The following FRAS1 variants were observed in gnomAD, a reference collection of about 807,000 sequenced individuals.
FRAS1 encodes extracellular matrix organizing protein FRAS1.
A neutral mutation model predicts 435.2 loss-of-function variants in FRAS1; 290 were observed. The ratio of observed to expected loss-of-function variants is 0.67; its 90% CI spans 0.61 to 0.73. FRAS1 has a LOEUF of 0.73. Among genes scored for constraint, FRAS1 ranks in the 30% least tolerant of loss-of-function variants. The probability of loss-of-function intolerance (pLI) is 0.00; values close to 1 mark genes in which losing one functional copy is unlikely to be tolerated. For missense variants in FRAS1, 4,860 were observed against 5,001.5 expected (o/e 0.97, Z 0.85); for synonymous variants, 1,800 against 1,851.0 (o/e 0.97, Z 0.71).
chr4:78,400,893 T>C lies in FRAS1; in HGVS notation c.4129+6T>C. 3 of 1,613,282 alleles carry C rather than the reference T, an allele frequency of 1.9e-6. 1 individual carries two copies. The South Asian group carries it at 3.3e-5, about 18-fold the overall frequency. ...ACAAGACTACCCCCAGTTTGGTAAC[T>C]ATTTTTTCCTTTGGCGTGGTTTCAT... On this transcript the variant is annotated splice_donor_region_variant and intron_variant, in intron 30 of 73. Transcript: ENST00000512123.
chr4:78,255,144 G>A (rs1174368817), intron 5 of FRAS1, 98 bp from the exon 6 acceptor site: 13 of 1,162,262 alleles, frequency 1.1e-5, no homozygotes, highest in African/African-American at 1.5e-5. Context: ...CTGTGCACTG[G>A]GCTTCTGACC....
At chr4:78,259,915 T>C (rs1380609981) in intron 6 of FRAS1, among the ~76,000 whole-genome samples, 2 of 152,214 alleles carry the variant, frequency 1.3e-5, no homozygotes, top group Non-Finnish European at 2.9e-5. Context: ...CGATTTCAGC[T>C]TTCTACCTAT....
At position 78,534,461 on chromosome 4, in the gene FRAS1, C is replaced by T. The variant is rs1387046137; in HGVS notation, c.10938C>T (p.Pro3646=). The T allele has an allele frequency of 1.2e-6, 2 of 1,612,346 alleles. No individual in the cohort carries two copies. The highest frequency in any genetic ancestry group is 3.3e-5 in the Admixed American group (2 of 59,810). ...TCCTTGCATTTAGATTCCTGATACC[C>T]ATTGCATTCCAGCAGACCAACCGCC... ...TAHAPERFLI[P]IAFQQTNRPV... Residue 3646 remains proline (P), a synonymous_variant, in exon 71 of 74, where the codon CCC becomes CCT. Coordinates refer to ENST00000512123, the MANE Select transcript of FRAS1 (RefSeq NM_025074.7).
At chr4:78,070,199 T>C (rs1740265643) in intron 2 of FRAS1, among the ~76,000 whole-genome samples, 1 of 152,124 alleles carries the variant, frequency 6.6e-6, no homozygotes, top group Non-Finnish European at 1.5e-5. Context: ...AAACATACAA[T>C]GTACAGTGTA....
chr4:78,066,632 T>C (rs1261552325), intron 2 of FRAS1, among the ~76,000 whole-genome samples: 1 of 152,186 alleles, frequency 6.6e-6, no homozygotes. Flanking sequence ...TAAAGCCTTA[T>C]TGAAAAGACT....
At chr4:78,469,927 T>A in intron 50 of FRAS1, 51 bp from the exon 51 acceptor site, 1 of 1,329,866 alleles carries the variant, frequency 7.5e-7, no homozygotes, top group Non-Finnish European at 1.1e-6. Context: ...GGACCTGACA[T>A]ACTTCAGGTA....
At chr4:78,201,422 C>A (rs1459426694) in intron 2 of FRAS1, among the ~76,000 whole-genome samples, 1 of 152,186 alleles carries the variant, frequency 6.6e-6, no homozygotes, top group Admixed American at 6.5e-5. Flanking sequence ...TTTAGCCTAA[C>A]CTTTGTTTCA....
chr4:78,161,141 G>GAA (rs906132071), intron 2 of FRAS1, among the ~76,000 whole-genome samples: 5 of 146,706 alleles, frequency 3.4e-5, no homozygotes, highest in African/African-American at 7.5e-5. Context: ...TCTTTCTCAG[G>GAA]AAAAAAAAAA....
chr4:78,263,770 A>C (rs1726225406), intron 6 of FRAS1, among the ~76,000 whole-genome samples: 1 of 152,222 alleles, frequency 6.6e-6, no homozygotes, highest in Non-Finnish European at 1.5e-5. Flanking sequence ...AAAATAAAGA[A>C]ATAAAACAAC....
rs1261274045 is a variant in FRAS1 at position 78,315,708 on chromosome 4, A to G, written c.1793A>G (p.Tyr598Cys). ...ATGTCTGAATGCCCTGGCGGGTACT[A>G]TGCTGATGCCACTGGCAGGTGCAAA... ...KCMSECPGGY[Y>C]ADATGRCKVC... is the part of the protein sequence containing the mutation. The change falls in exon 16 of 74, where the codon TAT (tyrosine) becomes TGT (cysteine). Residue 598 changes from tyrosine (Y) to cysteine (C), a missense_variant. Tyr to Cys is a radical substitution (Grantham distance 194, BLOSUM62 -2). Transcript: ENST00000512123. The G allele has an allele frequency of 3.1e-6, 5 of 1,614,030 alleles. No individual in the cohort carries two copies. In the South Asian group the frequency reaches 5.5e-5, roughly 18 times the overall value.
intron 38 of FRAS1, among the ~76,000 whole-genome samples, chr4:78,437,724 T>C (rs1734486046): frequency 6.6e-6 from 1 of 152,244 alleles, no homozygotes. Context: ...TAATTTTCAT[T>C]GTTGCTGTGG....
chr4:78,133,282 C>T (rs534784214), intron 2 of FRAS1, among the ~76,000 whole-genome samples: 1 of 152,052 alleles, frequency 6.6e-6, no homozygotes, highest in South Asian at 2.1e-4. Context: ...ACAAACATTG[C>T]ATGTTCTCAC....
chr4:78,417,855 C>G (rs1008683753), intron 32 of FRAS1, among the ~76,000 whole-genome samples: 6 of 152,252 alleles, frequency 3.9e-5, no homozygotes, highest in Non-Finnish European at 8.8e-5. Flanking sequence ...ATGTCACACT[C>G]TAACCCACCT....
intron 2 of FRAS1, chr4:78,182,014 A>G (rs1722032803): frequency 6.5e-7 from 1 of 1,544,452 alleles, no homozygotes; most frequent in Non-Finnish European, 8.7e-7. Context: ...TGGTGACCAC[A>G]CAGCCGAAGC....
intron 2 of FRAS1, chr4:78,068,437 A>T: frequency 2.2e-6 from 1 of 446,434 alleles, no homozygotes; most frequent in East Asian, 7.0e-5. Flanking sequence ...AGTCTGAAGC[A>T]AGAGCTCCTA....
intron 12 of FRAS1, among the ~76,000 whole-genome samples, chr4:78,283,358 C>T (rs1727422524): frequency 6.6e-6 from 1 of 152,134 alleles, no homozygotes; most frequent in Non-Finnish European, 1.5e-5. Flanking sequence ...GTTCTTTGTT[C>T]TTAAGGTGAG....
intron 70 of FRAS1, among the ~76,000 whole-genome samples, chr4:78,531,503 A>C (rs1215756807): frequency 1.3e-5 from 2 of 152,124 alleles, no homozygotes; most frequent in Non-Finnish European, 2.9e-5. Context: ...TATTATTTTG[A>C]GATATGTCCC....
At chr4:78,372,974 T>TAAGA in intron 24 of FRAS1, 116 bp downstream of exon 24, 3 of 1,205,380 alleles carry the variant, frequency 2.5e-6, no homozygotes, top group Non-Finnish European at 3.4e-6. Context: ...ACCCCATTTC[T>TAAGA]GGTTTCTTTC....
rs1202066935 is a variant in FRAS1, at chr4:78,438,577, C to T, written c.5225C>T (p.Ser1742Phe). 2 of 1,613,840 alleles carry T rather than the reference C, an allele frequency of 1.2e-6. No homozygotes were observed. Among genetic ancestry groups the T allele is most frequent in the East Asian group, 4.5e-5 (2 of 44,880 alleles). The change falls in exon 39 of 74, where the codon TCT (serine) becomes TTT (phenylalanine). Residue 1742 changes from serine to phenylalanine, a missense_variant. Coordinates refer to ENST00000512123, the MANE Select transcript of FRAS1 (RefSeq NM_025074.7). The part of the protein sequence containing the change: ...TRSHLAYVDD[S>F]SPDPEIWIQL... ...TCATGTTTGCCTCATTAGGATGATT[C>T]TTCCCCCGACCCAGAGATCTGGATT... is the stretch of plus-strand genomic sequence containing the variant.
Sources: gnomAD v4.1 joint callset for allele counts (sites outside exome capture counted in the v4.1 genomes callset) on GRCh38, gnomAD v4.1.1 for gene constraint, MANE v1.5 for transcripts, NCBI Gene and HGNC (gene_info 2026-07-23, HGNC 2026-07-21) for gene names.